Variants in TNFRSF8 observed in about 807,000 individuals in gnomAD.
The protein encoded by TNFRSF8 is tumor necrosis factor receptor superfamily member 8.
TNFRSF8 carries 26 observed loss-of-function variants against 70.8 expected under a neutral mutation model. The ratio of observed to expected loss-of-function variants is 0.37; its 90% CI spans 0.27 to 0.51. The LOEUF is 0.51. TNFRSF8 is among the 20% of genes least tolerant of loss of function. TNFRSF8 has a pLI of 0.94. For synonymous variants in TNFRSF8, 356 were observed against 339.2 expected, an observed-to-expected ratio of 1.05 and a Z score of -0.54; for missense variants, 720 against 807.9, an observed-to-expected ratio of 0.89 and a Z score of 1.32.
intron 1 of TNFRSF8, among the ~76,000 whole-genome samples, chr1:12,074,627 T>C (rs1033141942): frequency 1.3e-5 from 2 of 152,156 alleles, no homozygotes; most frequent in South Asian, 2.1e-4. Flanking sequence ...AAAGGTTCTA[T>C]GGCCAACGAA....
At chr1:12,083,459 C>A (rs567260272) in intron 1 of TNFRSF8, among the ~76,000 whole-genome samples, 3 of 152,108 alleles carry the variant, frequency 2.0e-5, no homozygotes, top group African/African-American at 7.2e-5. Flanking sequence ...GAGGCCAAGG[C>A]GGGTGGATCA....
chr1:12,133,247 C>G (rs1642083529), intron 12 of TNFRSF8, among the ~76,000 whole-genome samples: 1 of 151,986 alleles, frequency 6.6e-6, no homozygotes, highest in Admixed American at 6.6e-5. Flanking sequence ...ATGGGCAGCT[C>G]TGCGATCCCG....
At chr1:12,129,161 T>C (rs1444107485) in intron 12 of TNFRSF8, among the ~76,000 whole-genome samples, 1 of 152,212 alleles carries the variant, frequency 6.6e-6, no homozygotes, top group Admixed American at 6.5e-5. Context: ...TTCATTTTTA[T>C]GAGCACTTGA....
At chr1:12,101,442 TA>T (rs2100991228) in intron 3 of TNFRSF8, among the ~76,000 whole-genome samples, 1 of 149,790 alleles carries the variant, frequency 6.7e-6, no homozygotes, top group Non-Finnish European at 1.5e-5. Flanking sequence ...AAAAAAATGA[TA>T]AAAAGTATAG....
chr1:12,078,762 T>A (rs1316398350), intron 1 of TNFRSF8, among the ~76,000 whole-genome samples: 1 of 152,236 alleles, frequency 6.6e-6, no homozygotes, highest in African/African-American at 2.4e-5. Context: ...CTCCCCCATC[T>A]GTAAAATGGG....
rs564468879 is a variant in TNFRSF8 at position 12,129,731 on chromosome 1, C to T, written c.1309+3495C>T. Among the ~76,000 whole-genome samples, 3 of 152,276 alleles carry T rather than the reference C, an allele frequency of 2.0e-5. 1 individual carries two copies. Among genetic ancestry groups the T allele is most frequent in the African/African-American group, 4.8e-5 (2 of 41,546 alleles). On this transcript the variant is annotated intron_variant, in intron 12 of 14. Transcript: ENST00000263932. ...TCTCTCAGGGCGTCCTGCCAGGTTTCGATGTCTCCCTTTCCTGGTGCTGTG... is the reference window on the plus strand; with the variant it reads ...TCTCTCAGGGCGTCCTGCCAGGTTTTGATGTCTCCCTTTCCTGGTGCTGTG...
At chr1:12,139,850 G>A (rs1642221059) in intron 14 of TNFRSF8, among the ~76,000 whole-genome samples, 1 of 152,184 alleles carries the variant, frequency 6.6e-6, no homozygotes, top group African/African-American at 2.4e-5. Flanking sequence ...TGGCCAGGCT[G>A]GTCTGGAACT....
In TNFRSF8 at chr1:12,110,228, G is replaced by A. The variant is rs1641605589; in HGVS notation, c.676+24G>A. On this transcript the variant is annotated intron_variant, in intron 6 of 14. Transcript: ENST00000263932. This position sits in a 1 kb window ranked among gnomAD's most constrained non-coding sequence, Gnocchi z 4.0. ...AGGTAATTTCCCCATGAAGCTGTGG[G>A]TCGTCTCCCTGGGGTGCTCGATTGG... is the stretch of plus-strand genomic sequence containing the variant. 1.3e-6 allele frequency: 2 copies of A among 1,562,292 alleles called. No individual in the cohort carries two copies. The highest frequency in any genetic ancestry group is 1.7e-6 in the Non-Finnish European group (2 of 1,152,108).
At chr1:12,072,376 C>T (rs1478383884) in intron 1 of TNFRSF8, among the ~76,000 whole-genome samples, 3 of 152,234 alleles carry the variant, frequency 2.0e-5, no homozygotes, top group East Asian at 1.9e-4. Context: ...GCCAGTACTG[C>T]GTAGGGGACT....
intron 1 of TNFRSF8, among the ~76,000 whole-genome samples, chr1:12,079,439 CA>C (rs1246847115): frequency 6.6e-6 from 1 of 152,158 alleles, no homozygotes; most frequent in Non-Finnish European, 1.5e-5. Flanking sequence ...CCCTCCCAGG[CA>C]AGGGCCCGAG....
rs201412076 is a variant in TNFRSF8 at position 12,115,637 on chromosome 1, C to T, written c.854C>T (p.Pro285Leu). 2.0e-5 allele frequency: 32 copies of T among 1,614,064 alleles called. No individual in the cohort carries two copies. The highest frequency in any genetic ancestry group is 3.3e-5 in the Admixed American group (2 of 60,004). The change falls in exon 8 of 15, where the codon CCT becomes CTT. Residue 285 changes from proline to leucine, a missense_variant. Pro to Leu is a moderately conservative substitution (Grantham distance 98). Transcript: ENST00000263932. The stretch of plus-strand genomic sequence containing the variant: ...TCCTCCCGCACCTGCGAATGTCGAC[C>T]TGGCATGATCTGTGCCACATCAGCC... ...WNSSRTCECR[P>L]GMICATSATN... is the part of the protein sequence containing the mutation.
intron 12 of TNFRSF8, among the ~76,000 whole-genome samples, chr1:12,132,806 C>T (rs1479401960): frequency 2.1e-5 from 3 of 145,760 alleles, no homozygotes; most frequent in Admixed American, 7.1e-5. Context: ...CCACTACACT[C>T]CAGCCTCGGT....
intron 8 of TNFRSF8, among the ~76,000 whole-genome samples, chr1:12,120,812 T>G (rs1290978254): frequency 6.6e-6 from 1 of 152,084 alleles, no homozygotes; most frequent in Non-Finnish European, 1.5e-5. Context: ...AAGGGGAGGA[T>G]CACTGACTCA....
Position 12,083,411 on chromosome 1 carries a change from C to T in TNFRSF8, c.64-1053C>T, listed in dbSNP as rs80107067. On this transcript the variant is annotated intron_variant, in intron 1 of 14. Coordinates refer to ENST00000263932, the MANE Select transcript of TNFRSF8 (RefSeq NM_001243.5). ...GTGGAATGTCTATCGAGAGCAGGCC[C>T]GGAGTGGTGGCTCATACCTGTAATC... Among the ~76,000 whole-genome samples the T allele has an allele frequency of 1.3e-3, 196 of 152,268 alleles. 2 individuals carry two copies. In the East Asian group the frequency reaches 0.021, roughly 17 times the overall value.
At chr1:12,077,261 A>G (rs11569801) in intron 1 of TNFRSF8, among the ~76,000 whole-genome samples, 2,256 of 152,240 alleles carry the variant, frequency 0.015, 49 homozygotes, top group African/African-American at 0.051. Flanking sequence ...ACCTGATACT[A>G]TGGATCTTGA....
At chr1:12,085,479 T>C (rs558517582) in intron 2 of TNFRSF8, among the ~76,000 whole-genome samples, 2 of 152,314 alleles carry the variant, frequency 1.3e-5, no homozygotes, top group African/African-American at 4.8e-5. Flanking sequence ...CTTGAGCTCC[T>C]GGGCTCAATT....
At chr1:12,082,565 A>AAC (rs1553153722) in intron 1 of TNFRSF8, among the ~76,000 whole-genome samples, 15 of 147,014 alleles carry the variant, frequency 1.0e-4, no homozygotes, top group African/African-American at 3.8e-4. Flanking sequence ...AAAAAAAAAC[A>AAC]AAAACAAAAC....
intron 6 of TNFRSF8, among the ~76,000 whole-genome samples, chr1:12,111,365 A>G (rs1307129515): frequency 6.6e-6 from 1 of 151,834 alleles, no homozygotes; most frequent in Non-Finnish European, 1.5e-5. Context: ...TTTTTTTAGT[A>G]GAGACGGGGT....
Position 12,109,730 on chromosome 1 carries a change from G to T in TNFRSF8, c.512+74G>T. 1 of 1,316,038 alleles carries T rather than the reference G, an allele frequency of 7.6e-7. No individual in the cohort carries two copies. The highest frequency in any genetic ancestry group is 1.1e-6 in the Non-Finnish European group (1 of 920,428). 81.5% of individuals were successfully genotyped at this position (1,316,038 alleles called of 1,614,324 possible). On this transcript the variant is annotated intron_variant, in intron 5 of 14. Transcript: ENST00000263932. This position sits in a 1 kb window ranked among gnomAD's most constrained non-coding sequence, Gnocchi z 4.4. ...ATGAGGCTGCCCCACCCCACAGGACGCCCATGGTACAACTGGGCTGGGGGT... is the reference window on the plus strand; with the variant it reads ...ATGAGGCTGCCCCACCCCACAGGACTCCCATGGTACAACTGGGCTGGGGGT...
Sources: gnomAD v4.1 joint callset for allele counts (sites outside exome capture counted in the v4.1 genomes callset) on GRCh38, gnomAD v4.1.1 for gene constraint, Gnocchi (gnomAD v3.1) non-coding constraint, MANE v1.5 for transcripts, NCBI Gene and HGNC (gene_info 2026-07-23, HGNC 2026-07-21) for gene names.